The following PRKCA variants were observed in gnomAD, a reference collection of about 807,000 sequenced individuals.
The protein encoded by PRKCA is protein kinase C alpha, also known as protein kinase C alpha type.
A neutral mutation model predicts 87.0 loss-of-function variants in PRKCA; 27 were observed. That is an observed-to-expected ratio of 0.31 (90% CI 0.23 to 0.43). The LOEUF (loss-of-function observed/expected upper bound fraction) is 0.43. Ranked by LOEUF, PRKCA falls within the 20% of genes least tolerant of loss-of-function variation. The pLI is 1.00. For missense variants in PRKCA, 518 were observed against 852.3 expected, an observed-to-expected ratio of 0.61 and a Z score of 4.88; for synonymous variants, 329 against 311.1, an observed-to-expected ratio of 1.06 and a Z score of -0.61.
chr17:66,494,170 A>G (rs1280542205), intron 2 of PRKCA, among the ~76,000 whole-genome samples: 2 of 152,166 alleles, frequency 1.3e-5, no homozygotes, highest in Non-Finnish European at 2.9e-5. Flanking sequence ...ATCTACTGCC[A>G]TATGTGCAGG....
chr17:66,307,120 A>G (rs1042398438), intron 2 of PRKCA, among the ~76,000 whole-genome samples: 3 of 152,158 alleles, frequency 2.0e-5, no homozygotes, highest in Non-Finnish European at 4.4e-5. Flanking sequence ...TGTTTCTTGT[A>G]TACATTTTCT....
chr17:66,698,021 G>T (rs929654082), intron 8 of PRKCA, among the ~76,000 whole-genome samples: 5 of 152,210 alleles, frequency 3.3e-5, no homozygotes, highest in Non-Finnish European at 5.9e-5. Context: ...GAGGGAAAAA[G>T]AAATGTAGAG....
At chr17:66,377,880 C>G (rs1228233559) in intron 2 of PRKCA, among the ~76,000 whole-genome samples, 1 of 151,524 alleles carries the variant, frequency 6.6e-6, no homozygotes, top group Admixed American at 6.6e-5. Flanking sequence ...TTCAACCTCC[C>G]AAAGTACTGG....
chr17:66,682,056 G>A (rs780955115), intron 5 of PRKCA, among the ~76,000 whole-genome samples: 7 of 152,152 alleles, frequency 4.6e-5, no homozygotes, highest in Non-Finnish European at 8.8e-5. Context: ...CCAGTCCTGC[G>A]AGCTGAGGAG....
intron 5 of PRKCA, among the ~76,000 whole-genome samples, chr17:66,680,700 G>A (rs546756093): frequency 1.8e-4 from 27 of 152,242 alleles, no homozygotes; most frequent in Admixed American, 5.2e-4. Flanking sequence ...GTATGTGCCC[G>A]TGGATGAATC....
intron 13 of PRKCA, among the ~76,000 whole-genome samples, chr17:66,759,004 G>A (rs1013809808): frequency 2.0e-5 from 3 of 152,126 alleles, no homozygotes; most frequent in Non-Finnish European, 4.4e-5. Flanking sequence ...GAAGAATTAG[G>A]ATTATTTTGT....
At chr17:66,612,086 A>G (rs1308944677) in intron 3 of PRKCA, among the ~76,000 whole-genome samples, 1 of 152,100 alleles carries the variant, frequency 6.6e-6, no homozygotes, top group Non-Finnish European at 1.5e-5. Context: ...TAAAAAAAAA[A>G]AAAAAGATTG....
intron 3 of PRKCA, among the ~76,000 whole-genome samples, chr17:66,610,841 A>G (rs1970341116): frequency 6.6e-6 from 1 of 152,110 alleles, no homozygotes; most frequent in Admixed American, 6.5e-5. Flanking sequence ...GCGGAGGGCT[A>G]GTTGGGTGGG....
In PRKCA at chr17:66,773,526, T is replaced by A. The variant is rs866930688; in HGVS notation, c.1525-461T>A. Among the ~76,000 whole-genome samples the A allele has an allele frequency of 2.8e-3, 419 of 150,004 alleles. 1 individual carries two copies. Among genetic ancestry groups the A allele is most frequent in the Non-Finnish European group, 3.3e-3 (224 of 67,420 alleles). ...TTTTTTTTTTTTTTAATTAAAAAAA[T>A]TTTTTTTAATAGAGACAGGATCTTA... is the stretch of plus-strand genomic sequence containing the variant. On this transcript the variant is annotated intron_variant, in intron 13 of 16. Transcript: ENST00000413366.
chr17:66,331,681 G>A (rs1470406756), intron 2 of PRKCA, among the ~76,000 whole-genome samples: 1 of 152,114 alleles, frequency 6.6e-6, no homozygotes, highest in Non-Finnish European at 1.5e-5. Context: ...AAAGTCATTG[G>A]GCAGAGAAAA....
Position 66,355,717 on chromosome 17 carries a change from T to C in PRKCA, c.205+49590T>C, listed in dbSNP as rs79634581. ...TGGTTTATTCATAACAGCAAAAACA[T>C]TGGAAACATCCTTTTCCAGTTTTGG... On this transcript the variant is annotated intron_variant, in intron 2 of 16. Coordinates refer to ENST00000413366, the MANE Select transcript of PRKCA (RefSeq NM_002737.3). Among the ~76,000 whole-genome samples the C allele has an allele frequency of 6.0e-3, 910 of 152,278 alleles. 9 individuals are homozygous for C. The highest frequency in any genetic ancestry group is 0.021 in the African/African-American group (876 of 41,540).
chr17:66,352,014 T>C (rs1907773577), intron 2 of PRKCA, among the ~76,000 whole-genome samples: 1 of 152,194 alleles, frequency 6.6e-6, no homozygotes, highest in Non-Finnish European at 1.5e-5. Flanking sequence ...CAAGTTCAAA[T>C]GCAGACAGAC....
chr17:66,739,708 G>C lies in PRKCA; in HGVS notation c.1322+853G>C, dbSNP rs1172701478. ...TGAACAGAGGCAGAAGCAAGTCCAG[G>C]GAAGCAGCCTTGCAGCTCAGCAGGT... On this transcript the variant is annotated intron_variant, in intron 11 of 16. Coordinates refer to ENST00000413366, the MANE Select transcript of PRKCA (RefSeq NM_002737.3). 5.3e-5 allele frequency among the ~76,000 whole-genome samples: 8 copies of C among 152,128 alleles called. No homozygotes were observed. In the South Asian group the frequency reaches 1.7e-3, roughly 32 times the overall value.
At chr17:66,458,192 T>C (rs1382921026) in intron 2 of PRKCA, among the ~76,000 whole-genome samples, 1 of 152,248 alleles carries the variant, frequency 6.6e-6, no homozygotes, top group Admixed American at 6.5e-5. Flanking sequence ...TATTGGAACA[T>C]GAAAGAAAGC....
chr17:66,774,089 A>T (rs1292191634), intron 14 of PRKCA, 22 bp downstream of exon 14: 4 of 1,613,732 alleles, frequency 2.5e-6, no homozygotes, highest in Non-Finnish European at 2.5e-6. Context: ...CTACATTTTC[A>T]TGTTTGTTTA....
At chr17:66,395,646 A>G (rs16959160) in intron 2 of PRKCA, among the ~76,000 whole-genome samples, 18,837 of 152,204 alleles carry the variant, frequency 0.12, 1,511 homozygotes, top group East Asian at 0.29. Flanking sequence ...CCACTGATCT[A>G]TGTTGTGTTT....
intron 7 of PRKCA, 113 bp downstream of exon 7, chr17:66,688,549 T>C (rs1336249346): frequency 1.4e-6 from 2 of 1,382,030 alleles, no homozygotes; most frequent in African/African-American, 2.9e-5. Context: ...ATGCTTGTAA[T>C]CCCAGCACTT....
chr17:66,583,005 A>G (rs1969492193), intron 3 of PRKCA, among the ~76,000 whole-genome samples: 1 of 152,114 alleles, frequency 6.6e-6, no homozygotes, highest in Admixed American at 6.5e-5. Flanking sequence ...TCTGTTCTTC[A>G]GTTTTCTCCT....
chr17:66,765,430 A>G (rs866846170), intron 13 of PRKCA, among the ~76,000 whole-genome samples: 3 of 130,880 alleles, frequency 2.3e-5, no homozygotes, highest in African/African-American at 8.8e-5. Context: ...ATATATATAT[A>G]TATATATATA....
Sources: allele counts gnomAD v4.1 joint callset (sites outside exome capture counted in the v4.1 genomes callset), GRCh38; gene constraint gnomAD v4.1.1; transcripts MANE v1.5; gene names NCBI Gene and HGNC (gene_info 2026-07-23, HGNC 2026-07-21).